The following CALN1 variants were observed in gnomAD, a reference collection of about 807,000 sequenced individuals.
CALN1 encodes calneuron 1.
Under a neutral mutation model 30.6 loss-of-function variants are expected in CALN1, and 17 were observed. The observed-to-expected ratio is 0.56, with a 90% CI of 0.38 to 0.83. The LOEUF is 0.83. Among genes scored for constraint, CALN1 ranks in the 40% least tolerant of loss-of-function variants. The pLI is 0.00. For missense variants in CALN1, 291 were observed against 354.9 expected (o/e 0.82, Z 1.45); for synonymous variants, 156 against 131.4 (o/e 1.19, Z -1.28).
At chr7:71,846,768 GTATA>G (rs1297624447) in intron 5 of CALN1, among the ~76,000 whole-genome samples, 4 of 145,420 alleles carry the variant, frequency 2.8e-5, no homozygotes, top group African/African-American at 1.0e-4. Context: ...GTATATACAC[GTATA>G]TAAATATATA....
intron 5 of CALN1, among the ~76,000 whole-genome samples, chr7:71,940,900 C>T (rs546194042): frequency 6.6e-6 from 1 of 152,312 alleles, no homozygotes; most frequent in African/African-American, 2.4e-5. Context: ...GCGTGAGCCA[C>T]TGCACCCAGC....
intron 3 of CALN1, among the ~76,000 whole-genome samples, chr7:72,111,261 A>G (rs1379930242): frequency 2.6e-5 from 4 of 152,176 alleles, no homozygotes; most frequent in Non-Finnish European, 5.9e-5. Context: ...GTATGAAAAG[A>G]CACGTGGCAA....
intron 5 of CALN1, among the ~76,000 whole-genome samples, chr7:71,816,601 G>A (rs1046226633): frequency 2.0e-5 from 3 of 152,092 alleles, no homozygotes; most frequent in African/African-American, 7.2e-5. Flanking sequence ...CAGAAATCAG[G>A]CCAAAAGATT....
At chr7:72,369,624 G>A (rs1052308112) in intron 2 of CALN1, among the ~76,000 whole-genome samples, 4 of 152,132 alleles carry the variant, frequency 2.6e-5, no homozygotes, top group Admixed American at 6.6e-5. Flanking sequence ...GCCTCCCAAA[G>A]TGCTGGGATT....
intron 1 of CALN1, among the ~76,000 whole-genome samples, chr7:72,423,420 T>G (rs532721469): frequency 1.3e-4 from 20 of 152,274 alleles, no homozygotes; most frequent in African/African-American, 4.8e-4. Context: ...GGCAGGAGGT[T>G]TTCCTCCTTC....
chr7:72,348,129 A>ATTT (rs1205131967), intron 2 of CALN1, among the ~76,000 whole-genome samples: 5 of 152,200 alleles, frequency 3.3e-5, no homozygotes, highest in Non-Finnish European at 5.9e-5. Context: ...TCAAAGAAAA[A>ATTT]AAAGAAACTA....
chr7:71,971,953 A>AAAAAAGAAAGAAAGAAAGAAAG (rs1797839188), intron 5 of CALN1, among the ~76,000 whole-genome samples: 3 of 72,834 alleles, frequency 4.1e-5, no homozygotes, highest in African/African-American at 7.0e-5. Context: ...AAAAAAAAAA[A>AAAAAAGAAAGAAAGAAAGAAAG]AAAGAAAGAA....
chr7:72,367,032 T>C lies in CALN1; in HGVS notation c.119+36219A>G, dbSNP rs950426821. Among the ~76,000 whole-genome samples the C allele has an allele frequency of 4.0e-5, 6 of 151,784 alleles. No individual in the cohort carries two copies. The South Asian group carries it at 1.2e-3, about 31-fold the overall frequency. On this transcript the variant is annotated intron_variant, in intron 2 of 6. Transcript: ENST00000395275. ...TGACAACCTTCTACAACCACATGGATGAACCTCACAAATATAATGTTGAGT... is the reference window on the plus strand; with the variant it reads ...TGACAACCTTCTACAACCACATGGACGAACCTCACAAATATAATGTTGAGT...
At position 72,308,380 on chromosome 7, in the gene CALN1, A is replaced by G. The variant is rs1263301256; in HGVS notation, c.120-29570T>C. 6.7e-3 allele frequency among the ~76,000 whole-genome samples: 617 copies of G among 92,560 alleles called. 76 individuals carry two copies. Among genetic ancestry groups the G allele is most frequent in the African/African-American group, 0.028 (584 of 21,058 alleles). The allele number at this position is 92,560 out of a possible 152,430, so 60.7% of individuals were successfully genotyped here. On this transcript the variant is annotated intron_variant, in intron 2 of 6. Transcript: ENST00000395275. ...TGCTGTCTGTGGGGGGGGGAGAGAG[A>G]GAGAGAGAGAGAGAGAGAGAGAGAG...
chr7:71,823,176 GTC>G (rs71865957), intron 5 of CALN1, among the ~76,000 whole-genome samples: 8,711 of 147,984 alleles, frequency 0.059, 748 homozygotes, highest in African/African-American at 0.2. Context: ...CTCTCTCTCC[GTC>G]TCTCTCTCTT....
intron 3 of CALN1, among the ~76,000 whole-genome samples, chr7:72,249,735 G>A (rs1235363175): frequency 1.3e-5 from 2 of 152,110 alleles, no homozygotes; most frequent in Admixed American, 6.6e-5. Context: ...TCAGGAGTTC[G>A]AGACCAGCCT....
At chr7:71,792,817 T>C (rs1301120072) in intron 6 of CALN1, among the ~76,000 whole-genome samples, 2 of 152,048 alleles carry the variant, frequency 1.3e-5, no homozygotes, top group Non-Finnish European at 2.9e-5. Flanking sequence ...ATTGCATGAC[T>C]GGGCTGAGGG....
chr7:72,028,664 T>C (rs191503194), intron 4 of CALN1, among the ~76,000 whole-genome samples: 1 of 152,202 alleles, frequency 6.6e-6, no homozygotes, highest in African/African-American at 2.4e-5. Flanking sequence ...GGCCAATGTA[T>C]GTTTTTCGCT....
chr7:72,389,003 CCT>C (rs1805409584), intron 2 of CALN1, among the ~76,000 whole-genome samples: 2 of 152,170 alleles, frequency 1.3e-5, no homozygotes, highest in African/African-American at 4.8e-5. Flanking sequence ...CCACGTCCAT[CCT>C]CTGTTCTGGA....
intron 3 of CALN1, among the ~76,000 whole-genome samples, chr7:72,245,941 A>G (rs774930450): frequency 1.1e-4 from 16 of 152,314 alleles, no homozygotes; most frequent in South Asian, 2.1e-4. Flanking sequence ...CAATGCTTAC[A>G]CTGCAAGGCG....
intron 2 of CALN1, among the ~76,000 whole-genome samples, chr7:72,382,186 G>A (rs1804943563): frequency 6.6e-6 from 1 of 152,194 alleles, no homozygotes; most frequent in Non-Finnish European, 1.5e-5. Context: ...CACTGTCCGT[G>A]GGCATTTCCA....
At chr7:72,212,557 C>T (rs991542065) in intron 3 of CALN1, among the ~76,000 whole-genome samples, 2 of 151,916 alleles carry the variant, frequency 1.3e-5, no homozygotes, top group African/African-American at 4.8e-5. Flanking sequence ...TAGTAGCTCA[C>T]GCCTGCAATC....
intron 5 of CALN1, among the ~76,000 whole-genome samples, chr7:71,981,881 A>C (rs375517398): frequency 6.8e-4 from 103 of 152,120 alleles, no homozygotes; most frequent in African/African-American, 2.3e-3. Flanking sequence ...CTGTGTTGAC[A>C]GTTGTGGTGG....
intron 3 of CALN1, among the ~76,000 whole-genome samples, chr7:72,127,719 G>A (rs185800093): frequency 1.5e-3 from 234 of 152,330 alleles, no homozygotes; most frequent in Admixed American, 2.5e-3. Flanking sequence ...TGATGTGCCT[G>A]GTATGGTGTA....
Sources: allele counts gnomAD v4.1 joint callset (sites outside exome capture counted in the v4.1 genomes callset), GRCh38; gene constraint gnomAD v4.1.1; transcripts MANE v1.5; gene names NCBI Gene and HGNC (gene_info 2026-07-23, HGNC 2026-07-21).